The following PPP2R2C variants were observed in gnomAD, a reference collection of about 807,000 sequenced individuals.
PPP2R2C encodes the protein protein phosphatase 2 regulatory subunit Bgamma.
A neutral mutation model predicts 45.3 loss-of-function variants in PPP2R2C; 10 were observed. The observed-to-expected ratio is 0.22, with a 90% CI of 0.14 to 0.37. PPP2R2C has a LOEUF of 0.37. Ranked by LOEUF, PPP2R2C falls within the 10% of genes least tolerant of loss-of-function variation. The probability of loss-of-function intolerance (pLI) is 1.00; values close to 1 mark genes in which losing one functional copy is unlikely to be tolerated. For missense variants in PPP2R2C, 308 were observed against 619.7 expected (o/e 0.50, Z 5.34); for synonymous variants, 257 against 245.4 (o/e 1.05, Z -0.44).
chr4:6,470,969 T>C (rs1465611212), intron 1 of PPP2R2C, among the ~76,000 whole-genome samples: 4 of 149,914 alleles, frequency 2.7e-5, no homozygotes, highest in Non-Finnish European at 5.9e-5. Context: ...GCGCCCGCGC[T>C]CGCGCTGCGC....
chr4:6,397,317 C>A (rs549679623), intron 1 of PPP2R2C, among the ~76,000 whole-genome samples: 1 of 152,214 alleles, frequency 6.6e-6, no homozygotes, highest in Non-Finnish European at 1.5e-5. Context: ...CACCACCAAC[C>A]AAAAATCACC....
At chr4:6,430,908 G>C (rs1719578493) in intron 1 of PPP2R2C, among the ~76,000 whole-genome samples, 1 of 150,234 alleles carries the variant, frequency 6.7e-6, no homozygotes, top group African/African-American at 2.5e-5. Context: ...CTGGGCGACA[G>C]AGCAAGACTC....
chr4:6,527,614 A>G (rs1380505526), intron 2 of PPP2R2C, among the ~76,000 whole-genome samples: 1 of 65,674 alleles, frequency 1.5e-5, no homozygotes, highest in Non-Finnish European at 2.8e-5. Flanking sequence ...TCCAGGCACC[A>G]CCCCAGCTTC....
chr4:6,372,732 A>G (rs754819415), intron 4 of PPP2R2C, 32 bp from the exon 5 acceptor site: 4 of 1,606,460 alleles, frequency 2.5e-6, no homozygotes, highest in Non-Finnish European at 3.4e-6. Context: ...GGAAGAGGTG[A>G]AGGCCAGGTG....
chr4:6,529,640 C>A (rs1724329441), intron 2 of PPP2R2C, among the ~76,000 whole-genome samples: 1 of 152,240 alleles, frequency 6.6e-6, no homozygotes, highest in Non-Finnish European at 1.5e-5. Context: ...CCCCATCCCT[C>A]TTCCCTGGCA....
intron 1 of PPP2R2C, among the ~76,000 whole-genome samples, chr4:6,420,589 C>T (rs1372213770): frequency 6.6e-6 from 1 of 152,186 alleles, no homozygotes; most frequent in African/African-American, 2.4e-5. Flanking sequence ...CTGACTCCCA[C>T]CTGCTTAGGT....
At chr4:6,339,137 G>A (rs1480807990) in intron 6 of PPP2R2C, among the ~76,000 whole-genome samples, 1 of 152,184 alleles carries the variant, frequency 6.6e-6, no homozygotes, top group African/African-American at 2.4e-5. Flanking sequence ...TGTGCATATT[G>A]TTCACATGCT....
intron 1 of PPP2R2C, among the ~76,000 whole-genome samples, chr4:6,562,377 G>T (rs192861717): frequency 4.1e-4 from 63 of 151,824 alleles, no homozygotes; most frequent in Middle Eastern, 3.4e-3. Flanking sequence ...CCCACTGGCA[G>T]CTGTGTGGCC....
intron 1 of PPP2R2C, among the ~76,000 whole-genome samples, chr4:6,548,143 G>A (rs1025839499): frequency 9.2e-5 from 14 of 152,098 alleles, no homozygotes; most frequent in Admixed American, 2.6e-4. Flanking sequence ...GCTTGAACCC[G>A]GGAGGCAGGG....
At chr4:6,381,316 T>C (rs1196188041) in intron 1 of PPP2R2C, 3 of 1,520,940 alleles carry the variant, frequency 2.0e-6, no homozygotes, top group Non-Finnish European at 2.6e-6. Flanking sequence ...AGGGCAGAGA[T>C]CTCGGGACTT....
At chr4:6,453,351 G>A (rs1720841261) in intron 1 of PPP2R2C, among the ~76,000 whole-genome samples, 1 of 152,278 alleles carries the variant, frequency 6.6e-6, no homozygotes, top group Non-Finnish European at 1.5e-5. Context: ...CCCCAAAGAG[G>A]AAGGAGCGGC....
In PPP2R2C at chr4:6,345,117, C is replaced by T. The variant is rs1274823209; in HGVS notation, c.790+2729G>A. On this transcript the variant is annotated intron_variant, in intron 6 of 8. Coordinates refer to ENST00000382599, the MANE Select transcript of PPP2R2C (RefSeq NM_020416.4). This position sits in a 1 kb window ranked among gnomAD's most constrained non-coding sequence, Gnocchi z 5.3. ...TTGAGGATGTTTCTGGATTTCCACC[C>T]CTATAAACAACAGGGTGCCAATGAA... Among the ~76,000 whole-genome samples, 1 of 152,206 alleles carries T rather than the reference C, an allele frequency of 6.6e-6. No homozygotes were observed.
chr4:6,414,275 C>T (rs138418674), intron 1 of PPP2R2C, among the ~76,000 whole-genome samples: 1 of 152,276 alleles, frequency 6.6e-6, no homozygotes, highest in African/African-American at 2.4e-5. Flanking sequence ...CGGCAGCACC[C>T]TGCATTACTT....
At chr4:6,398,571 G>A (rs532120326) in intron 1 of PPP2R2C, among the ~76,000 whole-genome samples, 9 of 152,286 alleles carry the variant, frequency 5.9e-5, no homozygotes, top group Non-Finnish European at 1.3e-4. Flanking sequence ...ACACCCATCA[G>A]AGTGGCGAAC....
At chr4:6,365,688 T>A (rs1714239127) in intron 5 of PPP2R2C, among the ~76,000 whole-genome samples, 1 of 152,186 alleles carries the variant, frequency 6.6e-6, no homozygotes, top group African/African-American at 2.4e-5. Context: ...CATGGGCTGA[T>A]GAAGGTTCTG....
chr4:6,447,417 G>T (rs1463706401), intron 1 of PPP2R2C, among the ~76,000 whole-genome samples: 1 of 152,136 alleles, frequency 6.6e-6, no homozygotes. Context: ...CGGAGGAAGA[G>T]CTCCGGATAA....
chr4:6,553,577 G>A (rs928546867), intron 1 of PPP2R2C, among the ~76,000 whole-genome samples: 3 of 152,136 alleles, frequency 2.0e-5, no homozygotes, highest in African/African-American at 7.2e-5. Context: ...GAGAGATGAG[G>A]GCAGGGGAAA....
upstream of PPP2R2C, among the ~76,000 whole-genome samples, chr4:6,474,076 C>A (rs927595386): frequency 1.3e-5 from 2 of 152,150 alleles, no homozygotes; most frequent in African/African-American, 2.4e-5. Context: ...AATGCAAGGG[C>A]CGGAAGGATG....
At chr4:6,406,828 C>G (rs1717828353) in intron 1 of PPP2R2C, among the ~76,000 whole-genome samples, 1 of 152,072 alleles carries the variant, frequency 6.6e-6, no homozygotes, top group Non-Finnish European at 1.5e-5. Flanking sequence ...ATCCCTGGAA[C>G]TTGTGAATGT....
Sources: allele counts gnomAD v4.1 joint callset (sites outside exome capture counted in the v4.1 genomes callset), GRCh38; gene constraint gnomAD v4.1.1; non-coding constraint Gnocchi (gnomAD v3.1); transcripts MANE v1.5; gene names NCBI Gene and HGNC (gene_info 2026-07-23, HGNC 2026-07-21).